The following TMEM131L variants were observed in gnomAD, a reference collection of about 807,000 sequenced individuals.
The protein encoded by TMEM131L is transmembrane 131 like, also known as transmembrane protein 131-like.
TMEM131L carries 54 observed loss-of-function variants against 192.2 expected under a neutral mutation model. The observed-to-expected ratio is 0.28, with a 90% CI of 0.23 to 0.35. The LOEUF is 0.35. Among genes scored for constraint, TMEM131L ranks in the 10% least tolerant of loss-of-function variants. The probability of loss-of-function intolerance (pLI) is 1.00; values close to 1 mark genes in which losing one functional copy is unlikely to be tolerated. For missense variants in TMEM131L, 1,888 were observed against 1,972.9 expected (o/e 0.96, Z 0.82); for synonymous variants, 701 against 704.9 (o/e 0.99, Z 0.09).
Position 153,508,035 on chromosome 4 carries a change from T to C in TMEM131L, c.239+34147T>C, listed in dbSNP as rs1734103185. 2.0e-5 allele frequency among the ~76,000 whole-genome samples: 3 copies of C among 152,024 alleles called. No homozygotes were observed. In the East Asian group the frequency reaches 5.8e-4, roughly 29 times the overall value. On this transcript the variant is annotated intron_variant, in intron 3 of 34. Coordinates refer to ENST00000409959, the MANE Select transcript of TMEM131L (RefSeq NM_001131007.2). Reference sequence around the variant, plus strand: ...CTGATTAGAATGTGAAGGCCTGAATTAGGATGGGTTTAGTAAAATAGGAAT... The same window carrying C: ...CTGATTAGAATGTGAAGGCCTGAATCAGGATGGGTTTAGTAAAATAGGAAT...
At chr4:153,469,817 T>C (rs1237980346) in intron 2 of TMEM131L, among the ~76,000 whole-genome samples, 2 of 151,960 alleles carry the variant, frequency 1.3e-5, no homozygotes, top group Non-Finnish European at 2.9e-5. Flanking sequence ...TCCCAGCTGC[T>C]CGGGAGGCTG....
At chr4:153,590,102 C>CT (rs1730967221) in intron 16 of TMEM131L, among the ~76,000 whole-genome samples, 1 of 152,160 alleles carries the variant, frequency 6.6e-6, no homozygotes, top group Non-Finnish European at 1.5e-5. Flanking sequence ...ATTATAGCTG[C>CT]TTTTTTATCT....
intron 3 of TMEM131L, among the ~76,000 whole-genome samples, chr4:153,516,376 T>G (rs1734731364): frequency 6.6e-6 from 1 of 152,116 alleles, no homozygotes; most frequent in Non-Finnish European, 1.5e-5. Context: ...ACTAGAGGCA[T>G]GCACCACTGT....
chr4:153,473,310 G>A (rs937017595), intron 2 of TMEM131L, among the ~76,000 whole-genome samples: 7 of 152,228 alleles, frequency 4.6e-5, no homozygotes, highest in Admixed American at 1.3e-4. Context: ...ATGGTGCACC[G>A]GATGGTTGCA....
At position 153,466,469 on chromosome 4, in the gene TMEM131L, C is replaced by A; in HGVS notation, c.72C>A (p.Gly24=). 1 of 1,424,514 alleles carries A rather than the reference C, an allele frequency of 7.0e-7. No homozygotes were observed. The highest frequency in any genetic ancestry group is 1.4e-5 in the South Asian group (1 of 69,770). The allele number at this position is 1,424,514 out of a possible 1,614,324, so 88.2% of individuals were successfully genotyped here. ...RTAAAVNLLL[G]VFQVLLPCCR... ...CGGCGGCCGTGAACCTCCTGCTGGG[C>A]GTCTTCCAGGTCCTGCTGCCCTGCT... Residue 24 remains glycine (G), a synonymous_variant, in exon 1 of 35, where the codon GGC becomes GGA. Coordinates refer to ENST00000409959, the MANE Select transcript of TMEM131L (RefSeq NM_001131007.2).
At chr4:153,486,689 T>C (rs1274743719) in intron 3 of TMEM131L, among the ~76,000 whole-genome samples, 1 of 152,222 alleles carries the variant, frequency 6.6e-6, no homozygotes, top group Non-Finnish European at 1.5e-5. Context: ...AAAGAACCCC[T>C]GGCTACTTTC....
chr4:153,504,568 G>A (rs576382822), intron 3 of TMEM131L, among the ~76,000 whole-genome samples: 4 of 152,240 alleles, frequency 2.6e-5, no homozygotes, highest in South Asian at 2.1e-4. Flanking sequence ...GATTACAGGC[G>A]TGAGCCACCG....
chr4:153,632,861 G>C, intron 32 of TMEM131L, 23 bp downstream of exon 32: 1 of 1,613,722 alleles, frequency 6.2e-7, no homozygotes. Flanking sequence ...TTCTCTGATT[G>C]GTGCCTTGCT....
chr4:153,626,349 GA>G, intron 30 of TMEM131L, 124 bp downstream of exon 30: 1 of 633,054 alleles, frequency 1.6e-6, no homozygotes, highest in Non-Finnish European at 2.7e-6. Context: ...AAAGATGCAG[GA>G]AAGTAAAATC....
Position 153,466,414 on chromosome 4 carries a change from G to T in TMEM131L, c.17G>T (p.Arg6Leu), listed in dbSNP as rs1269264340. 2.2e-6 allele frequency: 3 copies of T among 1,351,590 alleles called. No individual in the cohort carries two copies. Among genetic ancestry groups the T allele is most frequent in the African/African-American group, 3.0e-5 (2 of 66,396 alleles). 83.7% of individuals were successfully genotyped at this position (1,351,590 alleles called of 1,614,324 possible). A position where few individuals can be genotyped will look rare whatever the true frequency, so the allele number is the denominator to read the frequency against. Reference sequence around the variant, plus strand: ...AGCAGCAGCATGGCGGGGCTCCGACGCCCGCAGCCCGGCTGCTACTGCCGC... The same window carrying T: ...AGCAGCAGCATGGCGGGGCTCCGACTCCCGCAGCCCGGCTGCTACTGCCGC... The part of the protein sequence containing the change: MAGLR[R>L]PQPGCYCRTA... The change falls in exon 1 of 35, where the codon CGC (arginine) becomes CTC (leucine). Residue 6 changes from arginine to leucine, a missense_variant. By Grantham distance (102) the Arg-to-Leu change is moderately radical. Transcript: ENST00000409959.
At chr4:153,558,675 C>T (rs1728646812) in intron 7 of TMEM131L, 2 of 166,454 alleles carry the variant, frequency 1.2e-5, no homozygotes, top group Admixed American at 1.2e-4. Context: ...TCCTCTGTTT[C>T]CTTGGGGCAT....
chr4:153,627,679 A>C lies in TMEM131L; in HGVS notation c.4199A>C (p.Glu1400Ala). The C allele has an allele frequency of 6.2e-7, 1 of 1,613,038 alleles. No individual in the cohort carries two copies. The highest frequency in any genetic ancestry group is 8.5e-7 in the Non-Finnish European group (1 of 1,179,018). ...CCTGCCGGGCCCACAGGTGTTGAAGAAGATAAAGGTGAGATGCATTCGTCT... is the reference window on the plus strand; with the variant it reads ...CCTGCCGGGCCCACAGGTGTTGAAGCAGATAAAGGTGAGATGCATTCGTCT... Reference protein sequence around the residue: ...SLPAGPTGVEEDKGLYSPGDL... With the variant: ...SLPAGPTGVEADKGLYSPGDL... Residue 1400 changes from glutamate to alanine, a missense_variant, in exon 31 of 35, where the codon GAA becomes GCA. By Grantham distance (107) the Glu-to-Ala change is moderately radical (BLOSUM62 -1). Transcript: ENST00000409959.
intron 7 of TMEM131L, among the ~76,000 whole-genome samples, chr4:153,569,534 G>A (rs573238416): frequency 1.4e-4 from 21 of 152,274 alleles, no homozygotes; most frequent in Non-Finnish European, 2.5e-4. Flanking sequence ...TTAAATAACA[G>A]TGTTAAAATA....
At chr4:153,468,015 A>AT (rs1730888146) in intron 2 of TMEM131L, among the ~76,000 whole-genome samples, 1 of 152,116 alleles carries the variant, frequency 6.6e-6, no homozygotes, top group African/African-American at 2.4e-5. Flanking sequence ...TCCAAAATGC[A>AT]TTTTTTGGGT....
intron 3 of TMEM131L, among the ~76,000 whole-genome samples, chr4:153,521,255 A>G (rs1735090207): frequency 6.6e-6 from 1 of 152,104 alleles, no homozygotes; most frequent in Non-Finnish European, 1.5e-5. Flanking sequence ...GTCAGGGATA[A>G]TGGTGCTGAT....
chr4:153,553,517 T>C (rs997788099), intron 4 of TMEM131L, among the ~76,000 whole-genome samples: 1 of 151,958 alleles, frequency 6.6e-6, no homozygotes, highest in African/African-American at 2.4e-5. Flanking sequence ...TTAAGATTAG[T>C]TGAGTTTTAC....
rs369751404 is a variant in TMEM131L at position 153,604,444 on chromosome 4, C to T, written c.3418+14C>T. ...GGAAAAATAATGGTAATCTTTTCATCCCCTTTGATAATTCTCTCCTGTTTG... is the reference window on the plus strand; with the variant it reads ...GGAAAAATAATGGTAATCTTTTCATTCCCTTTGATAATTCTCTCCTGTTTG... On this transcript the variant is annotated intron_variant, in intron 25 of 34. Transcript: ENST00000409959. 24 of 1,585,004 alleles carry T rather than the reference C, an allele frequency of 1.5e-5. No individual in the cohort carries two copies. In the East Asian group the frequency reaches 4.3e-4, roughly 28 times the overall value.
At chr4:153,489,674 C>T (rs895519193) in intron 3 of TMEM131L, among the ~76,000 whole-genome samples, 2 of 152,116 alleles carry the variant, frequency 1.3e-5, no homozygotes, top group Non-Finnish European at 2.9e-5. Flanking sequence ...GACGGGGTTT[C>T]ACCATGTTGG....
chr4:153,598,810 A>T, intron 21 of TMEM131L, 78 bp downstream of exon 21: 1 of 1,192,146 alleles, frequency 8.4e-7, no homozygotes, highest in Non-Finnish European at 1.1e-6. Context: ...TAAATTCTAA[A>T]TTTTAAATTC....
Sources: allele counts gnomAD v4.1 joint callset (sites outside exome capture counted in the v4.1 genomes callset), GRCh38; gene constraint gnomAD v4.1.1; transcripts MANE v1.5; gene names NCBI Gene and HGNC (gene_info 2026-07-23, HGNC 2026-07-21).